The following FAAH2 variants were observed in gnomAD, a reference collection of about 807,000 sequenced individuals.
The protein encoded by FAAH2 is fatty-acid amide hydrolase 2.
FAAH2 carries 60 observed loss-of-function variants against 36.9 expected under a neutral mutation model. That is an observed-to-expected ratio of 1.63 (90% CI 1.32 to 2.02). The LOEUF is 2.02. Ranked by LOEUF, FAAH2 falls within the 30% of genes most tolerant of loss-of-function variation. FAAH2 has a pLI of 0.00. For synonymous variants in FAAH2, 214 were observed against 143.8 expected, an observed-to-expected ratio of 1.49 and a Z score of -3.49; for missense variants, 689 against 397.5, an observed-to-expected ratio of 1.73 and a Z score of -6.23.
At chrX:57,351,787 T>A (rs1204975288) in intron 5 of FAAH2, among the ~76,000 whole-genome samples, 2 of 106,145 alleles carry the variant, frequency 1.9e-5, no homozygotes, top group African/African-American at 3.4e-5. Context: ...AAATAGAAAA[T>A]CTGAGCAGAC....
chrX:57,149,658 AC>A, the FAAH2 span, among the ~76,000 whole-genome samples: 2 of 109,604 alleles, frequency 1.8e-5, no homozygotes, highest in Non-Finnish European at 3.8e-5. Flanking sequence ...TTTCTTCTTT[AC>A]TAGTCTTGCT....
At chrX:57,381,552 A>C in intron 7 of FAAH2, 1 of 691,108 alleles carries the variant, frequency 1.4e-6, no homozygotes, top group Non-Finnish European at 1.7e-6. Flanking sequence ...AATACAGCTT[A>C]TTACGTGGAA....
At chrX:57,309,802 A>T (rs2052640766) in intron 2 of FAAH2, among the ~76,000 whole-genome samples, 1 of 111,875 alleles carries the variant, frequency 8.9e-6, no homozygotes, top group Admixed American at 9.5e-5. Flanking sequence ...TTTTTGATGT[A>T]CCACATTTTC....
At chrX:57,425,765 G>T (rs1045193889) in intron 7 of FAAH2, among the ~76,000 whole-genome samples, 1 of 111,111 alleles carries the variant, frequency 9.0e-6, no homozygotes, top group African/African-American at 3.3e-5. Flanking sequence ...GCACACAATA[G>T]TATAAAACTC....
intron 7 of FAAH2, among the ~76,000 whole-genome samples, chrX:57,424,000 A>C (rs1194244930): frequency 9.0e-6 from 1 of 111,563 alleles, no homozygotes; most frequent in Non-Finnish European, 1.9e-5. Context: ...CATAGCACTC[A>C]GAAAGGAGAT....
intron 3 of FAAH2, among the ~76,000 whole-genome samples, chrX:57,322,234 C>T (rs368464641): frequency 2.7e-5 from 3 of 111,528 alleles, no homozygotes; most frequent in African/African-American, 6.5e-5. Context: ...TCGTGATCCG[C>T]GCTCCTCGGC....
chrX:57,477,521 G>C (rs753957882), intron 10 of FAAH2, among the ~76,000 whole-genome samples: 1 of 110,347 alleles, frequency 9.1e-6, no homozygotes, highest in Admixed American at 9.7e-5. Flanking sequence ...TTAAGTTCTA[G>C]GGTGCATGTG....
At chrX:57,292,693 G>T in intron 2 of FAAH2, 113 bp downstream of exon 2, 1 of 548,124 alleles carries the variant, frequency 1.8e-6, no homozygotes, top group Non-Finnish European at 2.8e-6. Context: ...TCCTTCCCTT[G>T]TTCTCACTGG....
At chrX:57,341,249 A>C (rs770739388) in intron 4 of FAAH2, 22 bp from the exon 5 acceptor site, 1 of 1,185,528 alleles carries the variant, frequency 8.4e-7, no homozygotes, top group African/African-American at 1.8e-5. Context: ...ATTTATTTGC[A>C]AGTATTTTGT....
At chrX:57,347,343 G>A (rs1345571575) in intron 5 of FAAH2, among the ~76,000 whole-genome samples, 1 of 111,103 alleles carries the variant, frequency 9.0e-6, no homozygotes, top group African/African-American at 3.3e-5. Context: ...CCTCAGCTTG[G>A]TCTATTCTGC....
chrX:57,439,383 G>C (rs1035438102), intron 8 of FAAH2, among the ~76,000 whole-genome samples: 2 of 111,631 alleles, frequency 1.8e-5, no homozygotes, highest in African/African-American at 3.3e-5. Context: ...TGTGTTTTTT[G>C]ACTGCATAAA....
intron 7 of FAAH2, among the ~76,000 whole-genome samples, chrX:57,420,129 G>A (rs1207039720): frequency 2.7e-5 from 3 of 111,839 alleles, no homozygotes; most frequent in East Asian, 2.8e-4. Flanking sequence ...TAGCCTTGTA[G>A]TGTAGTTTGA....
chrX:57,207,175 G>A, the FAAH2 span, among the ~76,000 whole-genome samples: 1 of 110,724 alleles, frequency 9.0e-6, no homozygotes, highest in African/African-American at 3.3e-5. Flanking sequence ...TGACTTTCAG[G>A]GCTGTATGAT....
At chrX:57,323,420 C>A (rs181580291) in intron 3 of FAAH2, among the ~76,000 whole-genome samples, 1 of 111,779 alleles carries the variant, frequency 8.9e-6, no homozygotes, top group Non-Finnish European at 1.9e-5. Flanking sequence ...CGGACTTCCA[C>A]AAAGGTTGAA....
At chrX:57,152,546 C>T in the FAAH2 span, among the ~76,000 whole-genome samples, 5 of 112,237 alleles carry the variant, frequency 4.5e-5, no homozygotes, top group African/African-American at 6.5e-5. Context: ...AGCGAGACTC[C>T]GTGGGCATAG....
chrX:57,445,521 G>A lies in FAAH2; in HGVS notation c.1117-1407G>A, dbSNP rs945496745. On this transcript the variant is annotated intron_variant, in intron 8 of 10. Coordinates refer to ENST00000374900, the MANE Select transcript of FAAH2 (RefSeq NM_174912.4). ...TGACTAATGTTTATAGGAGACTCTGGTGCTCTTGAGTCAGAAGTTTGGGAA... is the reference window on the plus strand; with the variant it reads ...TGACTAATGTTTATAGGAGACTCTGATGCTCTTGAGTCAGAAGTTTGGGAA... 1.2e-4 allele frequency among the ~76,000 whole-genome samples: 13 copies of A among 111,411 alleles called. No individual in the cohort carries two copies. The East Asian group carries it at 3.4e-3, about 29-fold the overall frequency.
the FAAH2 span, among the ~76,000 whole-genome samples, chrX:57,274,901 C>T: frequency 1.8e-5 from 2 of 111,570 alleles, no homozygotes; most frequent in African/African-American, 3.3e-5. Context: ...GAAGTTCTGG[C>T]CAGGGTAATC....
chrX:57,168,203 A>G, the FAAH2 span, among the ~76,000 whole-genome samples: 1 of 110,916 alleles, frequency 9.0e-6, no homozygotes, highest in African/African-American at 3.3e-5. Context: ...AAGATGCTCC[A>G]GTCTCATCTT....
At chrX:57,406,883 G>A (rs2055579654) in intron 7 of FAAH2, among the ~76,000 whole-genome samples, 1 of 112,639 alleles carries the variant, frequency 8.9e-6, no homozygotes, top group African/African-American at 3.2e-5. Flanking sequence ...ACCACAAAGT[G>A]CACTTGCACC....
Sources: gnomAD v4.1 joint callset for allele counts (sites outside exome capture counted in the v4.1 genomes callset) on GRCh38, gnomAD v4.1.1 for gene constraint, MANE v1.5 for transcripts, NCBI Gene and HGNC (gene_info 2026-07-23, HGNC 2026-07-21) for gene names.